AKR1D1: variants seen among roughly 807,000 people sequenced by gnomAD.
AKR1D1 encodes delta(4)-3-ketosteroid 5-beta-reductase.
Under a neutral mutation model 42.6 loss-of-function variants are expected in AKR1D1, and 32 were observed. That is an observed-to-expected ratio of 0.75 (90% CI 0.57 to 1.01). The LOEUF (loss-of-function observed/expected upper bound fraction) is 1.01. AKR1D1 is among the 50% of genes least tolerant of loss of function. The pLI is 0.00. For synonymous variants in AKR1D1, 123 were observed against 135.5 expected, an observed-to-expected ratio of 0.91 and a Z score of 0.64; for missense variants, 364 against 402.2, an observed-to-expected ratio of 0.91 and a Z score of 0.81.
At chr7:138,104,682 G>GAA (rs35063839) in intron 4 of AKR1D1, among the ~76,000 whole-genome samples, 1,361 of 131,852 alleles carry the variant, frequency 0.01, 17 homozygotes, top group Non-Finnish European at 0.014. Context: ...CTCCATCTCG[G>GAA]AAAAAAAAAA....
chr7:138,085,405 A>G (rs1225579826), intron 1 of AKR1D1, among the ~76,000 whole-genome samples: 15 of 150,472 alleles, frequency 1.0e-4, no homozygotes, highest in African/African-American at 2.9e-4. Flanking sequence ...CTCCTACCTT[A>G]GCCCTTGCCT....
intron 1 of AKR1D1, among the ~76,000 whole-genome samples, chr7:138,086,086 C>T (rs986750474): frequency 1.3e-5 from 2 of 151,998 alleles, no homozygotes; most frequent in African/African-American, 2.4e-5. Context: ...GCCTGTAGTC[C>T]CACTTACTCG....
intron 3 of AKR1D1, among the ~76,000 whole-genome samples, chr7:138,092,600 TGCCTAAATGGTATA>T (rs1340187909): frequency 6.6e-6 from 1 of 152,212 alleles, no homozygotes; most frequent in East Asian, 1.9e-4. Flanking sequence ...AAACACGTTG[TGCCTAAATGGTATA>T]GCCTATTACA....
At chr7:138,102,606 A>G (rs1259328674) in intron 4 of AKR1D1, among the ~76,000 whole-genome samples, 1 of 152,212 alleles carries the variant, frequency 6.6e-6, no homozygotes, top group Non-Finnish European at 1.5e-5. Flanking sequence ...ACTAATTTCA[A>G]GAATTATTAT....
intron 8 of AKR1D1, among the ~76,000 whole-genome samples, chr7:138,115,410 G>A (rs1368036711): frequency 6.6e-6 from 1 of 152,178 alleles, no homozygotes; most frequent in East Asian, 1.9e-4. Context: ...CTGGTAGACA[G>A]AGCAAGGCCC....
chr7:138,093,241 G>T (rs1039474690), intron 3 of AKR1D1, among the ~76,000 whole-genome samples: 1 of 151,856 alleles, frequency 6.6e-6, no homozygotes, highest in Non-Finnish European at 1.5e-5. Context: ...GCTAAGTTTT[G>T]TATTTTTAGT....
At chr7:138,084,795 C>T (rs1029354676) in intron 1 of AKR1D1, among the ~76,000 whole-genome samples, 2 of 152,014 alleles carry the variant, frequency 1.3e-5, no homozygotes, top group Non-Finnish European at 2.9e-5. Context: ...CAGTGGCTCA[C>T]GCCTGTAATC....
rs1794652874 is a variant in AKR1D1, at chr7:138,117,270, T to C, written c.*608T>C. The C allele has an allele frequency of 6.5e-6, 1 of 152,982 alleles. No homozygotes were observed. The highest frequency in any genetic ancestry group is 2.4e-5 in the African/African-American group (1 of 41,446). The allele number at this position is 152,982 out of a possible 1,614,324, so 9.5% of individuals were successfully genotyped here. The stretch of plus-strand genomic sequence containing the variant: ...TTCCCTCCAATGTATGTATGTTTAG[T>C]TTTTATCCAACCTGAGGAATGAAAA... On this transcript the variant is annotated 3_prime_UTR_variant, in exon 9 of 9. Coordinates refer to ENST00000242375, the MANE Select transcript of AKR1D1 (RefSeq NM_005989.4).
intron 8 of AKR1D1, among the ~76,000 whole-genome samples, chr7:138,116,167 G>A (rs1161360415): frequency 6.6e-6 from 1 of 152,086 alleles, no homozygotes; most frequent in Non-Finnish European, 1.5e-5. Context: ...GTGACAGAGT[G>A]AGATTCCATC....
chr7:138,104,173 G>A (rs189393027), intron 4 of AKR1D1, among the ~76,000 whole-genome samples: 18 of 152,078 alleles, frequency 1.2e-4, no homozygotes, highest in African/African-American at 4.3e-4. Flanking sequence ...TAAATCACCA[G>A]TATAGTAAGA....
At position 138,116,329 on chromosome 7, in the gene AKR1D1, A is replaced by G. The variant is rs562844558; in HGVS notation, c.939-291A>G. Among the ~76,000 whole-genome samples, 3 of 152,288 alleles carry G rather than the reference A, an allele frequency of 2.0e-5. No homozygotes were observed. The South Asian group carries it at 6.2e-4, about 32-fold the overall frequency. On this transcript the variant is annotated intron_variant, in intron 8 of 8. Transcript: ENST00000242375. The stretch of plus-strand genomic sequence containing the variant: ...GAAGGAGTAGGGAAGAGGCATGTGC[A>G]CATGACATGCCTAAGACATGATTCA...
chr7:138,100,286 C>A (rs551027395), intron 4 of AKR1D1, among the ~76,000 whole-genome samples: 1 of 151,490 alleles, frequency 6.6e-6, no homozygotes, highest in Admixed American at 6.6e-5. Flanking sequence ...GAGATTTAAA[C>A]TCACTAATAT....
chr7:138,091,757 G>A lies in AKR1D1; in HGVS notation c.262-11G>A, dbSNP rs563731962. On this transcript the variant is annotated splice_polypyrimidine_tract_variant and intron_variant, in intron 2 of 8. Coordinates refer to ENST00000242375, the MANE Select transcript of AKR1D1 (RefSeq NM_005989.4). ...AGACATTAGTTAATTCTCCCTCTTT[G>A]ATTCTTTCAGCTATGGGCTACAAAT... 2 of 1,588,558 alleles carry A rather than the reference G, an allele frequency of 1.3e-6. No individual in the cohort carries two copies. The highest frequency in any genetic ancestry group is 2.2e-5 in the South Asian group (2 of 90,500).
chr7:138,113,813 T>C (rs1562939865), intron 8 of AKR1D1, 41 bp downstream of exon 8: 6 of 1,550,248 alleles, frequency 3.9e-6, no homozygotes, highest in East Asian at 2.2e-5. Context: ...ACCAGTGGTA[T>C]TGAATGGTCA....
chr7:138,080,987 G>GT (rs142461095), intron 1 of AKR1D1, among the ~76,000 whole-genome samples: 3,218 of 152,216 alleles, frequency 0.021, 112 homozygotes, highest in African/African-American at 0.073. Context: ...GAGGACAGCC[G>GT]TAATTGAGCT....
chr7:138,109,915 C>G (rs569398029), intron 7 of AKR1D1, among the ~76,000 whole-genome samples: 26 of 152,124 alleles, frequency 1.7e-4, no homozygotes, highest in African/African-American at 6.3e-4. Flanking sequence ...CAATTTTGTA[C>G]CAGAGAAAAT....
At position 138,107,409 on chromosome 7, in the gene AKR1D1, T is replaced by G. The variant is rs1445272559; in HGVS notation, c.690-6T>G. ...TAATTATGATGCATGTTTTGATATT[T>G]TTAAGGGTGAATGTTTCTTCTCCAC... is the stretch of plus-strand genomic sequence containing the variant. On this transcript the variant is annotated splice_polypyrimidine_tract_variant and splice_region_variant and intron_variant, in intron 6 of 8. Transcript: ENST00000242375. 2.5e-6 allele frequency: 4 copies of G among 1,613,714 alleles called. No homozygotes were observed. The African/African-American group carries it at 4.0e-5, about 16-fold the overall frequency.
intron 3 of AKR1D1, among the ~76,000 whole-genome samples, chr7:138,095,779 GCCTCCCAAA>G (rs1794171899): frequency 6.6e-6 from 1 of 151,746 alleles, no homozygotes; most frequent in Non-Finnish European, 1.5e-5. Flanking sequence ...GCCCACCTTG[GCCTCCCAAA>G]ATACTGGGAT....
intron 4 of AKR1D1, among the ~76,000 whole-genome samples, chr7:138,098,604 C>T (rs1356448986): frequency 1.3e-5 from 2 of 152,052 alleles, no homozygotes; most frequent in Admixed American, 1.3e-4. Context: ...AGCAAGATGC[C>T]GTCTCAAAAA....
Sources: gnomAD v4.1 joint callset for allele counts (sites outside exome capture counted in the v4.1 genomes callset) on GRCh38, gnomAD v4.1.1 for gene constraint, MANE v1.5 for transcripts, NCBI Gene and HGNC (gene_info 2026-07-23, HGNC 2026-07-21) for gene names.